PPP1R7: variants seen among roughly 807,000 people sequenced by gnomAD.
The protein encoded by PPP1R7 is protein phosphatase 1 regulatory subunit 22.
In PPP1R7, 18 loss-of-function variants were observed where a neutral mutation model predicts 45.2. The observed-to-expected ratio is 0.40, with a 90% CI of 0.28 to 0.59. The LOEUF is 0.59. Among genes scored for constraint, PPP1R7 ranks in the 20% least tolerant of loss-of-function variants. The probability of loss-of-function intolerance (pLI) is 0.46; values close to 1 mark genes in which losing one functional copy is unlikely to be tolerated. For missense variants in PPP1R7, 314 were observed against 455.8 expected, an observed-to-expected ratio of 0.69 and a Z score of 2.83; for synonymous variants, 181 against 183.4, an observed-to-expected ratio of 0.99 and a Z score of 0.11.
intron 9 of PPP1R7, among the ~76,000 whole-genome samples, chr2:241,178,161 T>C (rs2067939331): frequency 6.6e-6 from 1 of 152,232 alleles, no homozygotes; most frequent in South Asian, 2.1e-4. Flanking sequence ...GGAGAGGCTG[T>C]GTGCCTCCCT....
At chr2:241,157,089 T>A (rs1405134018) in intron 2 of PPP1R7, among the ~76,000 whole-genome samples, 1 of 152,082 alleles carries the variant, frequency 6.6e-6, no homozygotes, top group Non-Finnish European at 1.5e-5. Flanking sequence ...GGAGAGCAGC[T>A]CTCTCCCTCC....
At chr2:241,152,297 G>A (rs2067341539) in intron 1 of PPP1R7, among the ~76,000 whole-genome samples, 1 of 152,242 alleles carries the variant, frequency 6.6e-6, no homozygotes, top group South Asian at 2.1e-4. Flanking sequence ...CTAGCAGCAA[G>A]ATGCAAACTC....
At chr2:241,161,982 T>A (rs2149056797) in intron 6 of PPP1R7, among the ~76,000 whole-genome samples, 1 of 152,344 alleles carries the variant, frequency 6.6e-6, no homozygotes, top group African/African-American at 2.4e-5. Context: ...CTGGAAGTAT[T>A]ACAGCATTCT....
At chr2:241,168,704 C>T (rs911404684) in intron 8 of PPP1R7, among the ~76,000 whole-genome samples, 1 of 152,102 alleles carries the variant, frequency 6.6e-6, no homozygotes, top group Non-Finnish European at 1.5e-5. Context: ...ACTTGACACA[C>T]GCAGCTGGTG....
At chr2:241,150,206 T>G, upstream of PPP1R7, 6 of 1,273,950 alleles carry the variant, frequency 4.7e-6, no homozygotes, top group Non-Finnish European at 5.9e-6. Flanking sequence ...TCCGTCTGCC[T>G]GCAGCTACGG....
At chr2:241,150,012 C>T, upstream of PPP1R7, 1 of 1,400,770 alleles carries the variant, frequency 7.1e-7, no homozygotes, top group Non-Finnish European at 9.3e-7. Flanking sequence ...TGCCGTTCGG[C>T]CCATTGTACA....
chr2:241,159,536 A>C (rs1401697231), intron 5 of PPP1R7, among the ~76,000 whole-genome samples, 193 bp downstream of exon 5: 1 of 152,184 alleles, frequency 6.6e-6, no homozygotes, highest in South Asian at 2.1e-4. Flanking sequence ...CATCGGCTTC[A>C]TGCATGTCTT....
chr2:241,173,269 CAAAAAAAAAAAAA>C (rs540011262), intron 9 of PPP1R7, among the ~76,000 whole-genome samples: 32,970 of 91,696 alleles, frequency 0.36, 4,794 homozygotes, highest in Middle Eastern at 0.46. Flanking sequence ...AAGACTTTCT[CAAAAAAAAAAAAA>C]AAAAAAAAAA....
chr2:241,165,013 A>G (rs1029006976), intron 7 of PPP1R7, among the ~76,000 whole-genome samples: 2 of 152,168 alleles, frequency 1.3e-5, no homozygotes, highest in Non-Finnish European at 2.9e-5. Flanking sequence ...GTGCCACTGC[A>G]CTCCAGCCTG....
intron 9 of PPP1R7, among the ~76,000 whole-genome samples, chr2:241,173,523 C>G (rs552071730): frequency 6.6e-6 from 1 of 152,172 alleles, no homozygotes; most frequent in Non-Finnish European, 1.5e-5. Flanking sequence ...TTTTTTGCAA[C>G]TTGAATATAG....
intron 5 of PPP1R7, 131 bp from the exon 6 acceptor site, chr2:241,160,201 C>T (rs1259482691): frequency 1.5e-6 from 1 of 677,904 alleles, no homozygotes; most frequent in Non-Finnish European, 2.4e-6. Flanking sequence ...CAGTCAGAAC[C>T]CCCCACCCTC....
Position 241,153,519 on chromosome 2 carries a change from G to T in PPP1R7, c.96G>T (p.Gly32=). 6.2e-7 allele frequency: 1 copy of T among 1,614,232 alleles called. No homozygotes were observed. Among genetic ancestry groups the T allele is most frequent in the Middle Eastern group, 1.6e-4 (1 of 6,062 alleles). ...CTGAAGAATCCGGCGATGAAGAAGGGAAGAAACACAGCAGTGGCATCGTGG... is the reference window on the plus strand; with the variant it reads ...CTGAAGAATCCGGCGATGAAGAAGGTAAGAAACACAGCAGTGGCATCGTGG... ...VESEESGDEE[G]KKHSSGIVAD... Residue 32 remains glycine, a synonymous_variant, in exon 2 of 10, where the codon GGG becomes GGT. Transcript: ENST00000234038.
upstream of PPP1R7, chr2:241,149,687 T>C (rs766091099): frequency 6.5e-7 from 1 of 1,549,784 alleles, no homozygotes; most frequent in Admixed American, 1.9e-5. Flanking sequence ...TGCGGTTTCC[T>C]CCCGACTCGC....
intron 9 of PPP1R7, among the ~76,000 whole-genome samples, chr2:241,173,966 T>G (rs1277495809): frequency 1.3e-5 from 2 of 152,172 alleles, no homozygotes; most frequent in East Asian, 3.8e-4. Flanking sequence ...GATTCATGTT[T>G]TCCTTTAAGT....
At chr2:241,153,245 T>G (rs972151456) in intron 1 of PPP1R7, among the ~76,000 whole-genome samples, 3 of 152,212 alleles carry the variant, frequency 2.0e-5, no homozygotes, top group African/African-American at 4.8e-5. Context: ...GCAGAAGTAG[T>G]GTGTTCCTCA....
intron 9 of PPP1R7, among the ~76,000 whole-genome samples, chr2:241,173,269 CAAAAAAAAAAAAAA>C (rs540011262): frequency 9.9e-5 from 9 of 90,672 alleles, no homozygotes; most frequent in Admixed American, 1.2e-4. Context: ...AAGACTTTCT[CAAAAAAAAAAAAAA>C]AAAAAAAAAA....
intron 6 of PPP1R7, among the ~76,000 whole-genome samples, chr2:241,161,932 C>T (rs369758464): frequency 3.6e-4 from 55 of 152,360 alleles, no homozygotes; most frequent in African/African-American, 1.3e-3. Context: ...CTAAGCACAT[C>T]CGCCCCTGCC....
chr2:241,154,931 T>G (rs1255018459), intron 2 of PPP1R7: 17 of 152,246 alleles, frequency 1.1e-4, no homozygotes, highest in Admixed American at 1.1e-3. Context: ...GTGCTCTCTG[T>G]GCCAGCAAAG....
Position 241,168,841 on chromosome 2 carries a change from G to A in PPP1R7, c.820-940G>A, listed in dbSNP as rs564357259. Among the ~76,000 whole-genome samples, 7 of 152,276 alleles carry A rather than the reference G, an allele frequency of 4.6e-5. No individual in the cohort carries two copies. The East Asian group carries it at 1.3e-3, about 29-fold the overall frequency. On this transcript the variant is annotated intron_variant, in intron 8 of 9. Coordinates refer to ENST00000234038, the MANE Select transcript of PPP1R7 (RefSeq NM_002712.3). Reference sequence around the variant, plus strand: ...GTACATTTCAGGGGAGATGGGGGGAGGAGTATTTGCTTTTGAGAAATTTTT... The same window carrying A: ...GTACATTTCAGGGGAGATGGGGGGAAGAGTATTTGCTTTTGAGAAATTTTT...
Sources: gnomAD v4.1 joint callset for allele counts (sites outside exome capture counted in the v4.1 genomes callset) on GRCh38, gnomAD v4.1.1 for gene constraint, MANE v1.5 for transcripts, NCBI Gene and HGNC (gene_info 2026-07-23, HGNC 2026-07-21) for gene names.